MGAM2: variants seen among roughly 807,000 people sequenced by gnomAD.
MGAM2 encodes maltase-glucoamylase 2 (putative).
A neutral mutation model predicts 96.1 loss-of-function variants in MGAM2; 98 were observed. The ratio of observed to expected loss-of-function variants is 1.02; its 90% CI spans 0.87 to 1.21. MGAM2 has a LOEUF of 1.21. MGAM2 is among the 50% of genes most tolerant of loss of function. The pLI, the probability that MGAM2 is intolerant of heterozygous loss-of-function variation, is 0.00. For synonymous variants in MGAM2, 749 were observed against 414.8 expected, an observed-to-expected ratio of 1.81 and a Z score of -9.79; for missense variants, 2,055 against 1,182.4, an observed-to-expected ratio of 1.74 and a Z score of -10.82.
intron 46 of MGAM2, among the ~76,000 whole-genome samples, chr7:142,215,108 A>G (rs1797716315): frequency 6.6e-6 from 1 of 152,236 alleles, no homozygotes; most frequent in Non-Finnish European, 1.5e-5. Context: ...ATACCATGGA[A>G]TAGTATGCAG....
chr7:142,196,086 C>G, intron 37 of MGAM2, 68 bp from the exon 38 acceptor site: 1 of 741,270 alleles, frequency 1.3e-6, no homozygotes, highest in Non-Finnish European at 2.4e-6. Flanking sequence ...TCTCATGCTC[C>G]AAGCTGCAGT....
intron 2 of MGAM2, among the ~76,000 whole-genome samples, chr7:142,117,960 G>GA (rs1350147700): frequency 5.3e-5 from 8 of 149,622 alleles, no homozygotes; most frequent in Admixed American, 5.3e-4. Context: ...TTTTTTTGAA[G>GA]ATGTATTTCC....
intron 45 of MGAM2, among the ~76,000 whole-genome samples, chr7:142,202,180 A>G (rs1419532316): frequency 1.3e-5 from 2 of 152,210 alleles, no homozygotes; most frequent in East Asian, 3.8e-4. Context: ...GGAAGGAAGG[A>G]TCAGGACTGG....
chr7:142,199,255 C>CA (rs1330589662), intron 44 of MGAM2, among the ~76,000 whole-genome samples: 1 of 152,136 alleles, frequency 6.6e-6, no homozygotes, highest in Non-Finnish European at 1.5e-5. Context: ...CACGTCACAT[C>CA]AAGAAAGGCA....
rs77578452 is a variant in MGAM2, at chr7:142,155,134, T to A, written c.1923+289T>A. ...GACTTCTGTTCTATCCTATATAGGA[T>A]AGGACAATTGGAATTTGTTGGTATT... On this transcript the variant is annotated intron_variant, in intron 17 of 47. Coordinates refer to ENST00000477922, the MANE Select transcript of MGAM2 (RefSeq NM_001293626.2). Among the ~76,000 whole-genome samples the A allele has an allele frequency of 2.3e-3, 350 of 152,294 alleles. 2 individuals carry two copies. In the East Asian group the frequency reaches 0.031, roughly 14 times the overall value.
intron 41 of MGAM2, 24 bp from the exon 42 acceptor site, chr7:142,197,620 A>C (rs940937338): frequency 1.4e-6 from 1 of 702,856 alleles, no homozygotes; most frequent in African/African-American, 1.7e-5. Context: ...GGATAGGTGA[A>C]TTTTTCCTGT....
At chr7:142,152,598 T>C (rs901658507) in intron 15 of MGAM2, among the ~76,000 whole-genome samples, 1 of 152,150 alleles carries the variant, frequency 6.6e-6, no homozygotes, top group Non-Finnish European at 1.5e-5. Context: ...GATAGTGTAT[T>C]GAGGAATTGC....
At position 142,167,447 on chromosome 7, in the gene MGAM2, G is replaced by A. The variant is rs1796062273; in HGVS notation, c.2988G>A (p.Leu996=). Residue 996 remains leucine (L), a synonymous_variant, in exon 26 of 48, where the codon CTG becomes CTA. Transcript: ENST00000477922. The part of the protein sequence containing the change: ...SLSAKISFLH[L]KVIYHTATML... ...CTGCAAAGATCAGCTTCCTCCACCT[G>A]AAAGTGATCTATCACACAGCAACCA... The A allele has an allele frequency of 4.3e-6, 3 of 702,990 alleles. No individual in the cohort carries two copies. In the East Asian group the frequency reaches 8.0e-5, roughly 19 times the overall value. 43.5% of individuals were successfully genotyped at this position (702,990 alleles called of 1,614,324 possible). A position where few individuals can be genotyped will look rare whatever the true frequency, so the allele number is the denominator to read the frequency against.
intron 46 of MGAM2, among the ~76,000 whole-genome samples, chr7:142,212,572 C>T (rs767999927): frequency 2.6e-5 from 4 of 152,096 alleles, no homozygotes; most frequent in South Asian, 4.1e-4. Context: ...TCTGATAAAA[C>T]AGATTTTAAA....
chr7:142,123,972 T>TA (rs1316770709), intron 3 of MGAM2, among the ~76,000 whole-genome samples: 1 of 125,110 alleles, frequency 8.0e-6, no homozygotes, highest in Non-Finnish European at 1.7e-5. Context: ...ACTTTTTTTT[T>TA]TTTTTTTTTT....
At chr7:142,161,071 C>T in intron 21 of MGAM2, 54 bp from the exon 22 acceptor site, 1 of 696,918 alleles carries the variant, frequency 1.4e-6, no homozygotes, top group Non-Finnish European at 2.6e-6. Context: ...TGGCTGGTTT[C>T]ACATAGTTCC....
intron 12 of MGAM2, among the ~76,000 whole-genome samples, chr7:142,141,627 G>A (rs1236893379): frequency 6.6e-6 from 1 of 151,902 alleles, no homozygotes; most frequent in African/African-American, 2.4e-5. Context: ...AGCCTCCCGA[G>A]TAGCTGGGAT....
At position 142,137,456 on chromosome 7, in the gene MGAM2, G is replaced by T. The variant is rs1278872609; in HGVS notation, c.871G>T (p.Ala291Ser). Residue 291 changes from alanine (A) to serine (S), a missense_variant, in exon 9 of 48, where the codon GCG becomes TCG. Physicochemically the swap from Ala to Ser is moderately conservative, Grantham distance 99. Transcript: ENST00000477922. ...AGAGGTTACCCTTCAGCCAGCTCCTGCGATCACTTATCGCACGATTGGAGG... is the reference window on the plus strand; with the variant it reads ...AGAGGTTACCCTTCAGCCAGCTCCTTCGATCACTTATCGCACGATTGGAGG... ...AMEVTLQPAPAITYRTIGGIL... is the reference protein window; with the variant it reads ...AMEVTLQPAPSITYRTIGGIL... The T allele has an allele frequency of 2.1e-5, 15 of 700,360 alleles. No individual in the cohort carries two copies. In the Admixed American group the frequency reaches 2.8e-4, roughly 13 times the overall value. The allele number at this position is 700,360 out of a possible 1,614,324, so 43.4% of individuals were successfully genotyped here.
Position 142,124,278 on chromosome 7 carries a change from C to T in MGAM2, c.186+3897C>T, listed in dbSNP as rs113948192. 6.9e-3 allele frequency among the ~76,000 whole-genome samples: 1,054 copies of T among 151,938 alleles called. 14 individuals carry two copies. Among genetic ancestry groups the T allele is most frequent in the South Asian group, 0.041 (200 of 4,822 alleles). On this transcript the variant is annotated intron_variant, in intron 3 of 47. Coordinates refer to ENST00000477922, the MANE Select transcript of MGAM2 (RefSeq NM_001293626.2). ...TGAGCCACCACACCTGGCCCAGAAA[C>T]GTTTTTTTTCTTGAATTTTTAATCG...
chr7:142,141,002 T>C lies in MGAM2; in HGVS notation c.1219-19T>C. ...AAAAAATTTATGAAAATAATATTTA[T>C]ATCGTATTTCTTTATTAGAATCCTG... is the stretch of plus-strand genomic sequence containing the variant. On this transcript the variant is annotated intron_variant, in intron 11 of 47. Coordinates refer to ENST00000477922, the MANE Select transcript of MGAM2 (RefSeq NM_001293626.2). 1 of 693,694 alleles carries C rather than the reference T, an allele frequency of 1.4e-6. No individual in the cohort carries two copies. Among genetic ancestry groups the C allele is most frequent in the Non-Finnish European group, 2.6e-6 (1 of 382,670 alleles). 43.0% of individuals were successfully genotyped at this position (693,694 alleles called of 1,614,324 possible).
At chr7:142,146,962 A>G (rs1230383285) in intron 14 of MGAM2, among the ~76,000 whole-genome samples, 2 of 152,100 alleles carry the variant, frequency 1.3e-5, no homozygotes, top group African/African-American at 2.4e-5. Flanking sequence ...TCTTGACCTC[A>G]GGTGATCCAC....
chr7:142,219,241 A>G (rs1277659085), intron 47 of MGAM2, among the ~76,000 whole-genome samples: 3 of 152,208 alleles, frequency 2.0e-5, no homozygotes, highest in Non-Finnish European at 4.4e-5. Context: ...ATGGATAACC[A>G]TAGTTCTTGT....
chr7:142,116,176 A>C lies in MGAM2; in HGVS notation c.1-698A>C, dbSNP rs545460213. ...GTAAATAGCCCATCTGTTAGTAAGA[A>C]AATCAGGACAAGAATTCAACCCCTT... On this transcript the variant is annotated intron_variant, in intron 1 of 47. Coordinates refer to ENST00000477922, the MANE Select transcript of MGAM2 (RefSeq NM_001293626.2). 1.5e-3 allele frequency among the ~76,000 whole-genome samples: 223 copies of C among 152,320 alleles called. 2 individuals carry two copies. The highest frequency in any genetic ancestry group is 5.3e-3 in the African/African-American group (219 of 41,562).
intron 46 of MGAM2, among the ~76,000 whole-genome samples, chr7:142,211,452 T>C (rs1212447765): frequency 6.6e-6 from 1 of 151,922 alleles, no homozygotes. Context: ...TGATAAAAGG[T>C]TAGAGGAATT....
Sources: allele counts gnomAD v4.1 joint callset (sites outside exome capture counted in the v4.1 genomes callset), GRCh38; gene constraint gnomAD v4.1.1; transcripts MANE v1.5; gene names NCBI Gene and HGNC (gene_info 2026-07-23, HGNC 2026-07-21).